MYO16: variants seen among roughly 807,000 people sequenced by gnomAD.
The protein encoded by MYO16 is myosin XVI, also known as unconventional myosin-XVI.
In MYO16, 94 loss-of-function variants were observed where a neutral mutation model predicts 205.3. The observed-to-expected ratio is 0.46, with a 90% CI of 0.39 to 0.54. The LOEUF (loss-of-function observed/expected upper bound fraction) is 0.54. MYO16 is among the 20% of genes least tolerant of loss of function. MYO16 has a pLI of 0.00. For missense variants in MYO16, 2,315 were observed against 2,387.5 expected (o/e 0.97, Z 0.63); for synonymous variants, 988 against 954.0 (o/e 1.04, Z -0.66).
intron 27 of MYO16, among the ~76,000 whole-genome samples, chr13:109,081,783 C>T (rs1888287841): frequency 6.6e-6 from 1 of 152,050 alleles, no homozygotes; most frequent in Non-Finnish European, 1.5e-5. Flanking sequence ...AAAGGTAGAA[C>T]CTTTGTATTT....
At chr13:108,922,990 A>G (rs191299744) in intron 16 of MYO16, among the ~76,000 whole-genome samples, 1 of 152,342 alleles carries the variant, frequency 6.6e-6, no homozygotes, top group Non-Finnish European at 1.5e-5. Context: ...GAGAGGTTCC[A>G]TGAACCTCCC....
chr13:108,661,269 C>CT (rs1346809543), intron 1 of MYO16, among the ~76,000 whole-genome samples: 1 of 152,048 alleles, frequency 6.6e-6, no homozygotes, highest in Non-Finnish European at 1.5e-5. Flanking sequence ...CCTAGGTGAT[C>CT]TTTTTTGTGA....
At chr13:108,871,260 A>C (rs1351465215) in intron 12 of MYO16, among the ~76,000 whole-genome samples, 1 of 150,198 alleles carries the variant, frequency 6.7e-6, no homozygotes, top group African/African-American at 2.5e-5. Context: ...TTTCTTGAAC[A>C]TGTCATTTTT....
chr13:108,770,011 A>C (rs1054320559), intron 4 of MYO16, among the ~76,000 whole-genome samples: 2 of 151,954 alleles, frequency 1.3e-5, no homozygotes, highest in Non-Finnish European at 2.9e-5. Flanking sequence ...AATGTGTAAA[A>C]ATAAAATGGC....
intron 33 of MYO16, among the ~76,000 whole-genome samples, chr13:109,173,140 T>C (rs1257701638): frequency 5.3e-5 from 8 of 152,098 alleles, no homozygotes; most frequent in Admixed American, 5.2e-4. Context: ...AAGAGAGAGG[T>C]GCACATTAGT....
chr13:108,659,319 C>G (rs1238048446), intron 1 of MYO16: 1 of 340,894 alleles, frequency 2.9e-6, no homozygotes, highest in Non-Finnish European at 5.8e-6. Flanking sequence ...ATATAATACA[C>G]ATATATACAC....
chr13:108,670,268 A>G (rs1455156824), intron 2 of MYO16, among the ~76,000 whole-genome samples: 2 of 152,166 alleles, frequency 1.3e-5, no homozygotes, highest in African/African-American at 2.4e-5. Flanking sequence ...TCCTGGCTGT[A>G]TAACAGAATC....
At chr13:108,688,259 A>G (rs1490884004) in intron 2 of MYO16, among the ~76,000 whole-genome samples, 1 of 152,172 alleles carries the variant, frequency 6.6e-6, no homozygotes, top group East Asian at 1.9e-4. Context: ...CCATGCAAGG[A>G]AACAGATTTA....
intron 21 of MYO16, among the ~76,000 whole-genome samples, chr13:109,007,333 A>G (rs1482124383): frequency 6.6e-6 from 1 of 151,634 alleles, no homozygotes; most frequent in Admixed American, 6.6e-5. Context: ...GCTTGCAGTG[A>G]GCCGAGATGG....
At chr13:109,192,627 C>T (rs75289202) in intron 34 of MYO16, among the ~76,000 whole-genome samples, 9,068 of 152,108 alleles carry the variant, frequency 0.06, 739 homozygotes, top group East Asian at 0.28. Context: ...TTGTGAGGGG[C>T]ACCACTTACA....
intron 22 of MYO16, among the ~76,000 whole-genome samples, chr13:109,015,013 T>C (rs1224345607): frequency 6.6e-6 from 1 of 152,230 alleles, no homozygotes; most frequent in Admixed American, 6.5e-5. Flanking sequence ...ATAGGAGTGA[T>C]GACAGAGGGC....
chr13:108,646,144 G>T (rs191762462), intron 1 of MYO16, among the ~76,000 whole-genome samples: 2 of 152,240 alleles, frequency 1.3e-5, no homozygotes, highest in Non-Finnish European at 2.9e-5. Flanking sequence ...TCCCATGAAA[G>T]GAAAGTAAGA....
At chr13:108,604,066 G>A (rs1048069923) in intron 1 of MYO16, among the ~76,000 whole-genome samples, 9 of 152,072 alleles carry the variant, frequency 5.9e-5, no homozygotes, top group African/African-American at 2.2e-4. Flanking sequence ...TGAGAGAAAT[G>A]CAAAGCTAAG....
rs754216464 is a variant in MYO16, at chr13:109,140,405, C to A, written c.4193C>A (p.Pro1398His). ...GGGTCCCGGCCCGGGGACGCGAGGC[C>A]CGCGGGCGCCCCGGGGGCAGCAGCG... ...ISGSRPGDAR[P>H]AGAPGAAARV... is the part of the protein sequence containing the mutation. The change falls in exon 32 of 35, where the codon CCC becomes CAC. Residue 1398 changes from proline (P) to histidine (H), a missense_variant. This residue lies in a region of MYO16 where 1,097 missense variants were observed against 1,092.0 expected (regional missense o/e 1.00). Coordinates refer to ENST00000457511, the MANE Select transcript of MYO16 (RefSeq NM_001198950.3). The surrounding 1 kb of genome is among the most constrained non-coding windows in gnomAD (Gnocchi z 8.0). The A allele has an allele frequency of 1.5e-5, 23 of 1,586,050 alleles. No individual in the cohort carries two copies. The highest frequency in any genetic ancestry group is 1.7e-4 in the Middle Eastern group (1 of 6,002).
At chr13:109,068,259 G>A (rs1484223320) in intron 27 of MYO16, among the ~76,000 whole-genome samples, 1 of 152,150 alleles carries the variant, frequency 6.6e-6, no homozygotes, top group African/African-American at 2.4e-5. Context: ...TTCTTTGCAA[G>A]CAGTTTGTTC....
At chr13:108,650,586 T>C (rs752272479) in intron 1 of MYO16, among the ~76,000 whole-genome samples, 1 of 152,236 alleles carries the variant, frequency 6.6e-6, no homozygotes, top group Non-Finnish European at 1.5e-5. Flanking sequence ...CAAAAATGTA[T>C]ATTTAGGGTA....
chr13:109,140,367 C>T lies in MYO16; in HGVS notation c.4155C>T (p.Tyr1385=). 4 of 1,602,030 alleles carry T rather than the reference C, an allele frequency of 2.5e-6. No homozygotes were observed. Among genetic ancestry groups the T allele is most frequent in the South Asian group, 1.1e-5 (1 of 91,052 alleles). The change falls in exon 32 of 35, where the codon TAC becomes TAT. Residue 1385 remains tyrosine (Y), a synonymous_variant. Coordinates refer to ENST00000457511, the MANE Select transcript of MYO16 (RefSeq NM_001198950.3). This position sits in a 1 kb window ranked among gnomAD's most constrained non-coding sequence, Gnocchi z 8.0. ...RSPNTKLSGS[Y]EEISGSRPGD... is the part of the protein sequence containing the mutation. Reference sequence around the variant, plus strand: ...CCAACACCAAGCTCAGCGGCTCCTACGAGGAGATATCGGGGTCCCGGCCCG... The same window carrying T: ...CCAACACCAAGCTCAGCGGCTCCTATGAGGAGATATCGGGGTCCCGGCCCG...
At chr13:109,088,018 T>C (rs565555802) in intron 27 of MYO16, among the ~76,000 whole-genome samples, 6 of 152,296 alleles carry the variant, frequency 3.9e-5, no homozygotes, top group Non-Finnish European at 7.4e-5. Flanking sequence ...GATAAAGATA[T>C]CGATTTGAAT....
At chr13:108,750,534 C>T (rs901890666) in intron 4 of MYO16, among the ~76,000 whole-genome samples, 2 of 150,232 alleles carry the variant, frequency 1.3e-5, no homozygotes, top group Non-Finnish European at 1.5e-5. Flanking sequence ...TTTGGGAGGC[C>T]GAGGTGGGCT....
Sources: gnomAD v4.1 joint callset for allele counts (sites outside exome capture counted in the v4.1 genomes callset) on GRCh38, gnomAD v4.1.1 for gene constraint, gnomAD v4.1.1 regional missense constraint, Gnocchi (gnomAD v3.1) non-coding constraint, MANE v1.5 for transcripts, NCBI Gene and HGNC (gene_info 2026-07-23, HGNC 2026-07-21) for gene names.